The following CCDC169 variants were observed in gnomAD, a reference collection of about 807,000 sequenced individuals.
The protein encoded by CCDC169 is coiled-coil domain-containing protein 169.
CCDC169 carries 30 observed loss-of-function variants against 36.0 expected under a neutral mutation model. The ratio of observed to expected loss-of-function variants is 0.83; its 90% CI spans 0.62 to 1.13. CCDC169 has a LOEUF of 1.13. Ranked by LOEUF, CCDC169 falls within the 50% of genes most tolerant of loss-of-function variation. CCDC169 has a pLI of 0.00. For missense variants in CCDC169, 245 were observed against 245.9 expected (o/e 1.00, Z 0.03); for synonymous variants, 85 against 81.5 (o/e 1.04, Z -0.23).
intron 4 of CCDC169, among the ~76,000 whole-genome samples, chr13:36,259,823 T>C (rs1330961055): frequency 2.0e-5 from 3 of 152,244 alleles, no homozygotes; most frequent in African/African-American, 7.2e-5. Flanking sequence ...TTAGGCTCCC[T>C]GTCTCCAGAC....
intron 4 of CCDC169, among the ~76,000 whole-genome samples, chr13:36,266,770 C>T (rs954201181): frequency 3.3e-5 from 5 of 152,200 alleles, no homozygotes; most frequent in African/African-American, 7.2e-5. Flanking sequence ...AGGACATTTT[C>T]CAAGATCATC....
chr13:36,227,463 T>G (rs1284634272), downstream of CCDC169: 3 of 1,354,176 alleles, frequency 2.2e-6, no homozygotes, highest in East Asian at 7.8e-5. Flanking sequence ...TCCAACCAGT[T>G]TATTGTATTT....
chr13:36,278,556 A>G (rs1877121355), intron 4 of CCDC169, among the ~76,000 whole-genome samples: 1 of 152,116 alleles, frequency 6.6e-6, no homozygotes, highest in Admixed American at 6.6e-5. Flanking sequence ...AATTTTCTAG[A>G]ACATTCTTTT....
intron 4 of CCDC169, chr13:36,280,640 C>G (rs1487446264): frequency 1.3e-5 from 2 of 152,126 alleles, no homozygotes; most frequent in Non-Finnish European, 2.9e-5. Flanking sequence ...TGTTGGCTGA[C>G]TTATTTATTT....
At position 36,292,373 on chromosome 13, in the gene CCDC169, C is replaced by A. The variant is rs1019075814; in HGVS notation, c.163+3405G>T. 3.3e-5 allele frequency among the ~76,000 whole-genome samples: 5 copies of A among 151,974 alleles called. No homozygotes were observed. In the East Asian group the frequency reaches 9.7e-4, roughly 29 times the overall value. ...GTGAGGTTTCAATTTTTTTAAAAAA[C>A]GTACTTAAAGCCCTACACAAATACT... is the stretch of plus-strand genomic sequence containing the variant. On this transcript the variant is annotated intron_variant, in intron 2 of 7. Transcript: ENST00000239859.
intron 7 of CCDC169, among the ~76,000 whole-genome samples, chr13:36,234,242 T>G (rs1373871258): frequency 6.6e-6 from 1 of 152,112 alleles, no homozygotes; most frequent in South Asian, 2.1e-4. Flanking sequence ...GTGCCTTTTC[T>G]CCTATTAATA....
chr13:36,283,742 C>T, intron 2 of CCDC169, 40 bp from the exon 3 acceptor site: 1 of 1,383,072 alleles, frequency 7.2e-7, no homozygotes. Context: ...ATCACCCCAC[C>T]ACCTCTCATT....
chr13:36,248,567 A>G (rs763408585), intron 7 of CCDC169, 39 bp downstream of exon 7: 6 of 1,539,706 alleles, frequency 3.9e-6, no homozygotes, highest in Non-Finnish European at 5.3e-6. Flanking sequence ...TTATGTGCAA[A>G]TGTAACGAAT....
At chr13:36,253,743 T>A in intron 6 of CCDC169, 60 bp downstream of exon 6, 3 of 1,513,570 alleles carry the variant, frequency 2.0e-6, no homozygotes. Flanking sequence ...CCTAGAAAAG[T>A]GAAAAACATA....
At chr13:36,297,605 G>C (rs1053038642) in intron 1 of CCDC169, 32 bp downstream of exon 1, 15 of 1,540,276 alleles carry the variant, frequency 9.7e-6, no homozygotes, top group East Asian at 4.9e-5. Context: ...GGGTGTGGAC[G>C]GGACCCCACA....
At chr13:36,277,944 C>CAA (rs71084416) in intron 4 of CCDC169, among the ~76,000 whole-genome samples, 25 of 100,234 alleles carry the variant, frequency 2.5e-4, no homozygotes, top group African/African-American at 8.1e-4. Flanking sequence ...GACTCCGTCT[C>CAA]AAAAAAAAAA....
At chr13:36,281,169 T>C (rs1296559026) in intron 4 of CCDC169, 1 of 387,668 alleles carries the variant, frequency 2.6e-6, no homozygotes, top group African/African-American at 2.1e-5. Context: ...CACTCACAAA[T>C]GGATGGCAGA....
intron 2 of CCDC169, among the ~76,000 whole-genome samples, chr13:36,294,404 T>G (rs1879240936): frequency 6.6e-6 from 1 of 152,176 alleles, no homozygotes; most frequent in African/African-American, 2.4e-5. Flanking sequence ...TGAGGTTATA[T>G]CTAAGATATA....
chr13:36,259,641 C>G (rs1374086383), intron 4 of CCDC169, among the ~76,000 whole-genome samples: 1 of 152,030 alleles, frequency 6.6e-6, no homozygotes, highest in Non-Finnish European at 1.5e-5. Context: ...CAATCAGAGG[C>G]TGAAGTGGAG....
At position 36,269,426 on chromosome 13, in the gene CCDC169, A is replaced by T. The variant is rs548697182; in HGVS notation, c.315+14043T>A. ...GAATCCTCCCTAAATCATTCTATGA[A>T]GCCAGTATCACCCTGATACTAATAT... On this transcript the variant is annotated intron_variant, in intron 4 of 7. Transcript: ENST00000239859. Among the ~76,000 whole-genome samples the T allele has an allele frequency of 7.9e-4, 120 of 152,338 alleles. 1 individual carries two copies. The highest frequency in any genetic ancestry group is 2.5e-3 in the African/African-American group (104 of 41,576).
At chr13:36,291,212 A>C (rs1181640400) in intron 2 of CCDC169, among the ~76,000 whole-genome samples, 1 of 152,236 alleles carries the variant, frequency 6.6e-6, no homozygotes, top group African/African-American at 2.4e-5. Context: ...TGTAGCAATA[A>C]GATACACACT....
intron 7 of CCDC169, among the ~76,000 whole-genome samples, chr13:36,247,715 G>A (rs1872674477): frequency 6.6e-6 from 1 of 152,180 alleles, no homozygotes; most frequent in African/African-American, 2.4e-5. Context: ...AGCAAAGAAA[G>A]TGGTCTCTTA....
chr13:36,232,549 T>C (rs1050932733), intron 7 of CCDC169, among the ~76,000 whole-genome samples: 30 of 152,014 alleles, frequency 2.0e-4, no homozygotes, highest in African/African-American at 6.8e-4. Flanking sequence ...CCCAGCACTT[T>C]GGGAGGCTAA....
intron 4 of CCDC169, among the ~76,000 whole-genome samples, chr13:36,259,803 C>T (rs1874386609): frequency 6.6e-6 from 1 of 152,234 alleles, no homozygotes; most frequent in Admixed American, 6.5e-5. Context: ...AAGTCAGAGG[C>T]AGGTTGGCCT....
Sources: allele counts gnomAD v4.1 joint callset (sites outside exome capture counted in the v4.1 genomes callset), GRCh38; gene constraint gnomAD v4.1.1; transcripts MANE v1.5; gene names NCBI Gene and HGNC (gene_info 2026-07-23, HGNC 2026-07-21).